RCOR1: variants seen among roughly 807,000 people sequenced by gnomAD.
RCOR1 encodes REST corepressor 1, also known as REST corepressor.
A neutral mutation model predicts 64.0 loss-of-function variants in RCOR1; 12 were observed. The ratio of observed to expected loss-of-function variants is 0.19; its 90% CI spans 0.12 to 0.30. The LOEUF (loss-of-function observed/expected upper bound fraction) is 0.30. RCOR1 is among the 10% of genes least tolerant of loss of function. The pLI, the probability that RCOR1 is intolerant of heterozygous loss-of-function variation, is 1.00. For missense variants in RCOR1, 502 were observed against 621.2 expected (o/e 0.81, Z 2.04); for synonymous variants, 279 against 227.2 (o/e 1.23, Z -2.05).
intron 2 of RCOR1, among the ~76,000 whole-genome samples, chr14:102,593,573 C>T (rs986811303): frequency 3.7e-4 from 57 of 152,348 alleles, no homozygotes; most frequent in African/African-American, 1.4e-3. Flanking sequence ...CTTGCGCCTC[C>T]GAGGACTGCG....
chr14:102,656,877 G>C (rs146210273), intron 2 of RCOR1, among the ~76,000 whole-genome samples: 1 of 151,936 alleles, frequency 6.6e-6, no homozygotes, highest in Non-Finnish European at 1.5e-5. Context: ...CCAGGTTCAG[G>C]TGATTCTCTT....
At chr14:102,695,430 A>G (rs1253421218) in intron 3 of RCOR1, 2 of 152,254 alleles carry the variant, frequency 1.3e-5, no homozygotes, top group African/African-American at 4.8e-5. Flanking sequence ...ATTCTTCACA[A>G]TTGCAGATGG....
intron 2 of RCOR1, among the ~76,000 whole-genome samples, chr14:102,612,593 C>A (rs1053955872): frequency 6.6e-6 from 1 of 152,070 alleles, no homozygotes; most frequent in African/African-American, 2.4e-5. Context: ...GCTTCGGCCT[C>A]CCAAAGTGGT....
At chr14:102,708,876 G>C (rs80031694) in intron 6 of RCOR1, among the ~76,000 whole-genome samples, 14,377 of 152,188 alleles carry the variant, frequency 0.094, 735 homozygotes, top group Middle Eastern at 0.17. Context: ...TTTGTAGTTT[G>C]AGGTTTAACG....
At chr14:102,622,832 A>G (rs186438940) in intron 2 of RCOR1, among the ~76,000 whole-genome samples, 1 of 152,224 alleles carries the variant, frequency 6.6e-6, no homozygotes, top group African/African-American at 2.4e-5. Flanking sequence ...AACACCTCTG[A>G]ATGTGATGTC....
At chr14:102,625,449 T>C (rs147098079) in intron 2 of RCOR1, among the ~76,000 whole-genome samples, 7,822 of 150,098 alleles carry the variant, frequency 0.052, 657 homozygotes, top group African/African-American at 0.18. Flanking sequence ...TGGTCAGGCT[T>C]GTCTCGAACT....
At chr14:102,714,729 G>T in intron 8 of RCOR1, 112 bp downstream of exon 8, 1 of 833,384 alleles carries the variant, frequency 1.2e-6, no homozygotes, top group Non-Finnish European at 1.8e-6. Context: ...GGAGCATTTT[G>T]TTTCGAAGGA....
intron 2 of RCOR1, among the ~76,000 whole-genome samples, chr14:102,605,226 C>A (rs1893482106): frequency 6.6e-6 from 1 of 152,132 alleles, no homozygotes; most frequent in Admixed American, 6.6e-5. Context: ...TCCTCTTCTT[C>A]CTGGCAGTGA....
intron 2 of RCOR1, among the ~76,000 whole-genome samples, chr14:102,601,682 A>C (rs1893400669): frequency 6.6e-6 from 1 of 152,192 alleles, no homozygotes; most frequent in Non-Finnish European, 1.5e-5. Flanking sequence ...GTTGGGCAGG[A>C]ATGGTCCTTC....
At chr14:102,703,715 T>C (rs1037670172) in intron 4 of RCOR1, among the ~76,000 whole-genome samples, 2 of 152,196 alleles carry the variant, frequency 1.3e-5, no homozygotes, top group Admixed American at 6.5e-5. Context: ...GGTAATCCCA[T>C]GGTCTATAAA....
chr14:102,634,773 G>A (rs929334812), intron 2 of RCOR1, among the ~76,000 whole-genome samples: 1 of 151,268 alleles, frequency 6.6e-6, no homozygotes, highest in East Asian at 1.9e-4. Context: ...CTCGACTCAC[G>A]ACAACCTCTA....
At chr14:102,609,200 T>C (rs7144086) in intron 2 of RCOR1, among the ~76,000 whole-genome samples, 105,686 of 151,224 alleles carry the variant, frequency 0.7, 37,028 homozygotes, top group South Asian at 0.74. Context: ...TGCATGCCAC[T>C]ACACCTGGCT....
At chr14:102,674,750 C>T (rs1284213259) in intron 2 of RCOR1, among the ~76,000 whole-genome samples, 1 of 152,094 alleles carries the variant, frequency 6.6e-6, no homozygotes, top group Non-Finnish European at 1.5e-5. Context: ...TAGGTCTGGG[C>T]TTATTTTTTA....
intron 2 of RCOR1, among the ~76,000 whole-genome samples, chr14:102,613,881 T>A (rs1893689507): frequency 7.6e-6 from 1 of 131,350 alleles, no homozygotes; most frequent in Non-Finnish European, 1.6e-5. Flanking sequence ...TTGAATTAAC[T>A]ATTCTTTTTT....
chr14:102,707,419 C>T lies in RCOR1; in HGVS notation c.567C>T (p.Thr189=). 1 of 1,613,296 alleles carries T rather than the reference C, an allele frequency of 6.2e-7. No homozygotes were observed. The highest frequency in any genetic ancestry group is 8.5e-7 in the Non-Finnish European group (1 of 1,179,632). Residue 189 remains threonine (T), a synonymous_variant, in exon 5 of 12, where the codon ACC becomes ACT. Coordinates refer to ENST00000262241, the MANE Select transcript of RCOR1 (RefSeq NM_015156.4). The stretch of plus-strand genomic sequence containing the variant: ...CATTGGCTGATTTGCCCAACTTTAC[C>T]CCTTTCCCAGATGAGTGGACTGTGG... The part of the protein sequence containing the change: ...EKSLADLPNF[T]PFPDEWTVED...
At chr14:102,615,234 G>C (rs1314320776) in intron 2 of RCOR1, among the ~76,000 whole-genome samples, 1 of 145,234 alleles carries the variant, frequency 6.9e-6, no homozygotes, top group African/African-American at 2.5e-5. Context: ...CTGGGCTCAA[G>C]TGATTCTTCT....
chr14:102,611,099 C>T (rs945225947), intron 2 of RCOR1, among the ~76,000 whole-genome samples: 17 of 152,124 alleles, frequency 1.1e-4, no homozygotes, highest in South Asian at 2.1e-4. Flanking sequence ...GATGGAGTTT[C>T]GCTCTTGTTG....
At chr14:102,620,492 G>A (rs761744237) in intron 2 of RCOR1, among the ~76,000 whole-genome samples, 2 of 152,170 alleles carry the variant, frequency 1.3e-5, no homozygotes, top group African/African-American at 4.8e-5. Context: ...ACTTGAACCC[G>A]GGAGGCAGAG....
At chr14:102,640,099 C>A (rs1031725747) in intron 2 of RCOR1, among the ~76,000 whole-genome samples, 9 of 152,206 alleles carry the variant, frequency 5.9e-5, no homozygotes, top group Admixed American at 5.9e-4. Context: ...CCTGCCTCAG[C>A]TTCCCAGAGT....
Sources: gnomAD v4.1 joint callset for allele counts (sites outside exome capture counted in the v4.1 genomes callset) on GRCh38, gnomAD v4.1.1 for gene constraint, MANE v1.5 for transcripts, NCBI Gene and HGNC (gene_info 2026-07-23, HGNC 2026-07-21) for gene names.